SGCB: variants seen among roughly 807,000 people sequenced by gnomAD.
SGCB encodes the protein sarcoglycan beta.
Under a neutral mutation model 27.3 loss-of-function variants are expected in SGCB, and 25 were observed. The ratio of observed to expected loss-of-function variants is 0.92; its 90% CI spans 0.67 to 1.28. SGCB has a LOEUF of 1.28. SGCB is among the 50% of genes most tolerant of loss of function. The probability of loss-of-function intolerance (pLI) is 0.00; values close to 1 mark genes in which losing one functional copy is unlikely to be tolerated. For synonymous variants in SGCB, 147 were observed against 133.5 expected, an observed-to-expected ratio of 1.10 and a Z score of -0.70; for missense variants, 436 against 402.1, an observed-to-expected ratio of 1.08 and a Z score of -0.72.
intron 5 of SGCB, 53 bp from the exon 6 acceptor site, chr4:52,024,213 CAA>C (rs752891014): frequency 6.4e-6 from 9 of 1,405,960 alleles, no homozygotes; most frequent in Non-Finnish European, 9.0e-6. Flanking sequence ...GGGTACAGAA[CAA>C]AGTCAGTAAA....
intron 2 of SGCB, among the ~76,000 whole-genome samples, chr4:52,032,850 G>A (rs1475004843): frequency 6.6e-6 from 1 of 152,084 alleles, no homozygotes; most frequent in East Asian, 1.9e-4. Flanking sequence ...AGATTAAAAG[G>A]ATTTCTTCAT....
intron 1 of SGCB, among the ~76,000 whole-genome samples, chr4:52,035,274 C>G (rs1055633720): frequency 6.6e-6 from 1 of 152,168 alleles, no homozygotes; most frequent in African/African-American, 2.4e-5. Flanking sequence ...TCCTTATCCT[C>G]TATGTATTAA....
chr4:52,038,111 C>A, intron 1 of SGCB, 116 bp downstream of exon 1: 1 of 500,888 alleles, frequency 2.0e-6, no homozygotes, highest in East Asian at 1.2e-4. Flanking sequence ...CCCCGCCGAA[C>A]CCAGACCCTG....
intron 1 of SGCB, among the ~76,000 whole-genome samples, chr4:52,034,711 T>C (rs922055615): frequency 1.1e-4 from 16 of 148,380 alleles, no homozygotes; most frequent in Admixed American, 2.7e-4. Flanking sequence ...ATAATTTCAC[T>C]GACTAGAGCT....
chr4:52,038,236 A>C lies in SGCB; in HGVS notation c.24T>G (p.Ala8=). 7.8e-7 allele frequency: 1 copy of C among 1,286,252 alleles called. No individual in the cohort carries two copies. The highest frequency in any genetic ancestry group is 9.9e-7 in the Non-Finnish European group (1 of 1,012,908). 79.7% of individuals were successfully genotyped at this position (1,286,252 alleles called of 1,614,324 possible). A position where few individuals can be genotyped will look rare whatever the true frequency, so the allele number is the denominator to read the frequency against. Reference sequence around the variant, plus strand: ...GGCGGTACTCACAGACCTGTTCTGCAGCCGCCGCCGCCGCTGCCGCCATCT... The same window carrying C: ...GGCGGTACTCACAGACCTGTTCTGCCGCCGCCGCCGCCGCTGCCGCCATCT... MAAAAAA[A]AEQQSSNGPV... Residue 8 remains alanine, a synonymous_variant, in exon 1 of 6, where the codon GCT becomes GCG. Coordinates refer to ENST00000381431, the MANE Select transcript of SGCB (RefSeq NM_000232.5).
chr4:52,029,636 CCT>C (rs1352851787), intron 3 of SGCB, 40 bp downstream of exon 3: 1 of 1,320,376 alleles, frequency 7.6e-7, no homozygotes, highest in African/African-American at 1.4e-5. Context: ...CTCTAATGCC[CCT>C]CTCCTGTTTG....
In SGCB at chr4:52,023,543, G is replaced by A. The variant is rs190941869; in HGVS notation, c.*414C>T. 1 of 172,518 alleles carries A rather than the reference G, an allele frequency of 5.8e-6. No individual in the cohort carries two copies. Among genetic ancestry groups the A allele is most frequent in the Non-Finnish European group, 1.3e-5 (1 of 79,208 alleles). 10.7% of individuals were successfully genotyped at this position (172,518 alleles called of 1,614,324 possible). A position where few individuals can be genotyped will look rare whatever the true frequency, so the allele number is the denominator to read the frequency against. On this transcript the variant is annotated 3_prime_UTR_variant, in exon 6 of 6. Transcript: ENST00000381431. Reference sequence around the variant, plus strand: ...CATCTTTCCTTTTAGAAGCTAAAAGGCAGAGCATGAAACGCTGATGCCATA... The same window carrying A: ...CATCTTTCCTTTTAGAAGCTAAAAGACAGAGCATGAAACGCTGATGCCATA...
At chr4:52,031,468 GTTC>G (rs1441417055) in intron 2 of SGCB, among the ~76,000 whole-genome samples, 2 of 141,368 alleles carry the variant, frequency 1.4e-5, no homozygotes, top group Non-Finnish European at 3.1e-5. Flanking sequence ...ATATCTATGA[GTTC>G]TTAATTGTTC....
intron 5 of SGCB, among the ~76,000 whole-genome samples, chr4:52,025,657 T>C (rs1231275750): frequency 6.6e-6 from 1 of 152,242 alleles, no homozygotes; most frequent in African/African-American, 2.4e-5. Context: ...AGAAATGACT[T>C]GATCTTTTTA....
intron 2 of SGCB, 118 bp from the exon 3 acceptor site, chr4:52,029,981 G>A: frequency 2.7e-6 from 2 of 747,456 alleles, no homozygotes; most frequent in East Asian, 2.7e-5. Flanking sequence ...TTATCAGTGA[G>A]GTAAATATAT....
chr4:52,028,300 C>G (rs1400067076), intron 4 of SGCB, among the ~76,000 whole-genome samples: 1 of 152,142 alleles, frequency 6.6e-6, no homozygotes, highest in East Asian at 1.9e-4. Context: ...AGAATTAATC[C>G]TTTCCGGTGT....
intron 1 of SGCB, 99 bp downstream of exon 1, chr4:52,038,110 ACCCAGACCCTGCGGCCCG>A: frequency 1.7e-6 from 1 of 602,748 alleles, no homozygotes; most frequent in Non-Finnish European, 2.1e-6. Flanking sequence ...GCCCCGCCGA[ACCCAGACCCTGCGGCCCG>A]CGCCCCCCGC....
chr4:52,027,926 A>G (rs752991433), intron 5 of SGCB, 42 bp downstream of exon 5: 99 of 1,574,292 alleles, frequency 6.3e-5, no homozygotes, highest in Non-Finnish European at 7.9e-5. Flanking sequence ...TTATGTACCC[A>G]AGAACCTAAT....
At chr4:52,030,565 T>A (rs999329432) in intron 2 of SGCB, among the ~76,000 whole-genome samples, 1 of 152,216 alleles carries the variant, frequency 6.6e-6, no homozygotes, top group Non-Finnish European at 1.5e-5. Context: ...AATCTCTCAA[T>A]ACAATTTTCT....
chr4:52,035,619 G>A lies in SGCB; in HGVS notation c.34-1979C>T, dbSNP rs375603976. Among the ~76,000 whole-genome samples the A allele has an allele frequency of 7.2e-5, 11 of 152,298 alleles. No individual in the cohort carries two copies. The South Asian group carries it at 1.9e-3, about 26-fold the overall frequency. On this transcript the variant is annotated intron_variant, in intron 1 of 5. Coordinates refer to ENST00000381431, the MANE Select transcript of SGCB (RefSeq NM_000232.5). ...GTGTTAAAGGTGTGGGCATTTGTAC[G>A]AGAGAGAAGAAAGAGGAGTACCAGT...
intron 5 of SGCB, among the ~76,000 whole-genome samples, chr4:52,027,532 A>G (rs1737130232): frequency 6.6e-6 from 1 of 151,570 alleles, no homozygotes; most frequent in South Asian, 2.1e-4. Flanking sequence ...TTAATTAAAA[A>G]CAACAACTAC....
At chr4:52,033,123 T>TA in intron 2 of SGCB, among the ~76,000 whole-genome samples, 1 of 152,348 alleles carries the variant, frequency 6.6e-6, no homozygotes, top group East Asian at 1.9e-4. Flanking sequence ...AAAGTTCTCT[T>TA]CTATTGAGTT....
chr4:52,025,683 C>G (rs1272273872), intron 5 of SGCB, among the ~76,000 whole-genome samples: 1 of 152,188 alleles, frequency 6.6e-6, no homozygotes, highest in African/African-American at 2.4e-5. Context: ...GCCACTCTGG[C>G]TGTTGGGTAG....
intron 3 of SGCB, among the ~76,000 whole-genome samples, chr4:52,029,425 G>C (rs184313494): frequency 1.7e-3 from 260 of 152,106 alleles, no homozygotes; most frequent in African/African-American, 5.1e-3. Context: ...TGCTACCATT[G>C]AACAAAATCT....
Sources: allele counts gnomAD v4.1 joint callset (sites outside exome capture counted in the v4.1 genomes callset), GRCh38; gene constraint gnomAD v4.1.1; transcripts MANE v1.5; gene names NCBI Gene and HGNC (gene_info 2026-07-23, HGNC 2026-07-21).